The following ZNF444 variants were observed in gnomAD, a reference collection of about 807,000 sequenced individuals.
The protein encoded by ZNF444 is endothelial zinc finger protein 2.
A neutral mutation model predicts 14.4 loss-of-function variants in ZNF444; 8 were observed. The ratio of observed to expected loss-of-function variants is 0.56; its 90% confidence interval spans 0.33 to 1.00. The LOEUF is 1.00. Ranked by LOEUF, ZNF444 falls within the 50% of genes least tolerant of loss-of-function variation. ZNF444 has a pLI of 0.03. For synonymous variants in ZNF444, 258 were observed against 235.9 expected, an observed-to-expected ratio of 1.09 and a Z score of -0.86; for missense variants, 510 against 504.8, an observed-to-expected ratio of 1.01 and a Z score of -0.10.
Position 56,160,138 on chromosome 19 carries a change from G to A in ZNF444, c.921G>A (p.Ala307=), listed in dbSNP as rs1456441510. The change falls in exon 5 of 5, where the codon GCG becomes GCA. Residue 307 remains alanine, a synonymous_variant. Coordinates refer to ENST00000337080, the MANE Select transcript of ZNF444 (RefSeq NM_018337.4). Reference sequence around the variant, plus strand: ...TCCACGGCCGGGCAGCGGCCAGCGCGCAGGGGGCGGTAGCTCCGGGCCCGG... The same window carrying A: ...TCCACGGCCGGGCAGCGGCCAGCGCACAGGGGGCGGTAGCTCCGGGCCCGG... ...QRIHGRAAAS[A]QGAVAPGPDG... 2.7e-6 allele frequency: 4 copies of A among 1,483,024 alleles called. No individual in the cohort carries two copies. The highest frequency in any genetic ancestry group is 2.3e-5 in the Admixed American group (1 of 42,652). 91.9% of individuals were successfully genotyped at this position (1,483,024 alleles called of 1,614,324 possible). A position where few individuals can be genotyped will look rare whatever the true frequency, so the allele number is the denominator to read the frequency against.
chr19:56,133,396 T>C (rs1599978196), intron 1 of ZNF444, among the ~76,000 whole-genome samples: 1 of 152,066 alleles, frequency 6.6e-6, no homozygotes, highest in Admixed American at 6.6e-5. Flanking sequence ...TGAGCCTCAG[T>C]TTCCTCATCT....
At chr19:56,142,526 G>C (rs992696454) in intron 1 of ZNF444, 2 of 152,210 alleles carry the variant, frequency 1.3e-5, no homozygotes, top group Non-Finnish European at 2.9e-5. Flanking sequence ...AAAAGAGGCA[G>C]AGATGCTGGT....
chr19:56,149,642 C>T (rs534178367), intron 3 of ZNF444, among the ~76,000 whole-genome samples: 2 of 152,136 alleles, frequency 1.3e-5, no homozygotes, highest in African/African-American at 4.8e-5. Flanking sequence ...CCCCTTCCCC[C>T]ACCCCCCGAC....
chr19:56,134,846 G>GTT (rs2030575041), intron 1 of ZNF444, among the ~76,000 whole-genome samples: 7 of 152,088 alleles, frequency 4.6e-5, no homozygotes, highest in Admixed American at 4.6e-4. Flanking sequence ...ATTTCAAGCT[G>GTT]GGTGTGGTAG....
intron 3 of ZNF444, chr19:56,157,085 C>G (rs1410009570): frequency 6.6e-6 from 1 of 152,438 alleles, no homozygotes; most frequent in Non-Finnish European, 1.5e-5. Flanking sequence ...GTGGCTGACA[C>G]CACACAAGGG....
At chr19:56,153,672 A>G (rs984284583) in intron 3 of ZNF444, among the ~76,000 whole-genome samples, 3 of 152,150 alleles carry the variant, frequency 2.0e-5, no homozygotes, top group African/African-American at 7.2e-5. Flanking sequence ...TTTAAGACGG[A>G]TGGGGGCAGG....
In ZNF444 at chr19:56,160,494, T is replaced by C; in HGVS notation, c.*293T>C. The stretch of plus-strand genomic sequence containing the variant: ...CTAATGTCTCCTCCTTCCCCCCTCT[T>C]CTCTCTCCTGCGGCCCAGCCTCCCT... On this transcript the variant is annotated 3_prime_UTR_variant, in exon 5 of 5. Coordinates refer to ENST00000337080, the MANE Select transcript of ZNF444 (RefSeq NM_018337.4). 2.8e-6 allele frequency: 1 copy of C among 355,172 alleles called. No homozygotes were observed. The highest frequency in any genetic ancestry group is 6.2e-5 in the South Asian group (1 of 16,164). 22.0% of individuals were successfully genotyped at this position (355,172 alleles called of 1,614,324 possible). A position where few individuals can be genotyped will look rare whatever the true frequency, so the allele number is the denominator to read the frequency against.
upstream of ZNF444, among the ~76,000 whole-genome samples, chr19:56,139,625 G>A (rs2030696379): frequency 1.3e-5 from 2 of 151,452 alleles, no homozygotes; most frequent in African/African-American, 4.9e-5. Context: ...GTCGGAGGTT[G>A]CAGTGAGCTG....
chr19:56,157,033 TTGAGC>T (rs2031952606), intron 3 of ZNF444: 1 of 152,290 alleles, frequency 6.6e-6, no homozygotes, highest in Non-Finnish European at 1.5e-5. Flanking sequence ...CCCGGTGCCC[TTGAGC>T]TGAGGCCAGG....
intron 1 of ZNF444, among the ~76,000 whole-genome samples, 154 bp downstream of exon 1, chr19:56,141,511 A>C (rs1275354349): frequency 1.8e-5 from 1 of 54,160 alleles, no homozygotes; most frequent in African/African-American, 7.7e-5. Flanking sequence ...GTGATGGGGA[A>C]GGGGCTGGGA....
intron 3 of ZNF444, among the ~76,000 whole-genome samples, chr19:56,153,013 C>T (rs928991442): frequency 2.0e-5 from 3 of 152,168 alleles, no homozygotes; most frequent in Non-Finnish European, 2.9e-5. Context: ...TCATGTTAGT[C>T]TGGATGCATC....
In ZNF444 at chr19:56,159,662, G is replaced by C; in HGVS notation, c.445G>C (p.Asp149His). ...TGGGGCTGAGGGGCCGGCGCCTGGG[G>C]ACTCCCAGGCTGTGCGCCCCTACAA... ...APGAEGPAPG[D>H]SQAVRPYKQE... The change falls in exon 5 of 5, where the codon GAC (aspartate) becomes CAC (histidine). Residue 149 changes from aspartate to histidine, a missense_variant. Physicochemically the swap from Asp to His is moderately conservative, Grantham distance 81 (BLOSUM62 -1). Transcript: ENST00000337080. 1.4e-6 allele frequency: 2 copies of C among 1,474,142 alleles called. No homozygotes were observed. The highest frequency in any genetic ancestry group is 2.6e-5 in the South Asian group (2 of 77,100). The allele number at this position is 1,474,142 out of a possible 1,614,324, so 91.3% of individuals were successfully genotyped here.
intron 3 of ZNF444, chr19:56,156,178 G>A (rs932538955): frequency 2.6e-5 from 4 of 152,274 alleles, no homozygotes; most frequent in Non-Finnish European, 5.9e-5. Flanking sequence ...GAGCGCAGGG[G>A]CCTCTGTCCC....
At chr19:56,150,393 C>G in intron 3 of ZNF444, 1 of 332,190 alleles carries the variant, frequency 3.0e-6, no homozygotes, top group Non-Finnish European at 5.9e-6. Flanking sequence ...CGTCGGGACT[C>G]TCCTGCGTTC....
upstream of ZNF444, among the ~76,000 whole-genome samples, chr19:56,139,115 T>A (rs958291998): frequency 7.9e-5 from 12 of 152,056 alleles, no homozygotes; most frequent in African/African-American, 2.9e-4. Context: ...TACTTAATGC[T>A]ACTGAACTGT....
upstream of ZNF444, among the ~76,000 whole-genome samples, chr19:56,139,427 C>T (rs575592895): frequency 3.9e-5 from 6 of 152,260 alleles, no homozygotes; most frequent in South Asian, 1.2e-3. Context: ...GTGGTTCACG[C>T]TTGCAATCAC....
In ZNF444 at chr19:56,151,962, G is replaced by A. The variant is rs373613971; in HGVS notation, c.297+4754G>A. ...TCAGAGTTTTCACCGAGACATTGCC[G>A]GATGAGAAGGAGAGGACAGCCGAGG... On this transcript the variant is annotated intron_variant, in intron 3 of 4. Coordinates refer to ENST00000337080, the MANE Select transcript of ZNF444 (RefSeq NM_018337.4). 554 of 455,764 alleles carry A rather than the reference G, an allele frequency of 1.2e-3. 5 individuals carry two copies. Among genetic ancestry groups the A allele is most frequent in the African/African-American group, 4.6e-3 (229 of 50,016 alleles). The allele number at this position is 455,764 out of a possible 1,614,324, so 28.2% of individuals were successfully genotyped here. A position where few individuals can be genotyped will look rare whatever the true frequency, so the allele number is the denominator to read the frequency against.
upstream of ZNF444, among the ~76,000 whole-genome samples, chr19:56,136,803 C>T (rs537128291): frequency 9.9e-5 from 15 of 151,986 alleles, no homozygotes; most frequent in Middle Eastern, 3.4e-3. Context: ...TTTTTTTAGA[C>T]GGAGTTTCAC....
chr19:56,137,120 G>A (rs953795465), upstream of ZNF444, among the ~76,000 whole-genome samples: 1 of 151,724 alleles, frequency 6.6e-6, no homozygotes, highest in African/African-American at 2.4e-5. Flanking sequence ...AGGTGATGTT[G>A]TGCAGCTGGT....
Sources: allele counts gnomAD v4.1 joint callset (sites outside exome capture counted in the v4.1 genomes callset), GRCh38; gene constraint gnomAD v4.1.1; transcripts MANE v1.5; gene names NCBI Gene and HGNC (gene_info 2026-07-23, HGNC 2026-07-21).